TOP6BL: variants seen among roughly 807,000 people sequenced by gnomAD.
TOP6BL encodes the protein type 2 DNA topoisomerase 6 subunit B-like.
the TOP6BL span, among the ~76,000 whole-genome samples, chr11:66,828,974 TG>T: frequency 1.4e-5 from 2 of 141,550 alleles, no homozygotes; most frequent in African/African-American, 2.5e-5. Flanking sequence ...GTGTGTTTTT[TG>T]TTTTTTTTTT....
the TOP6BL span, among the ~76,000 whole-genome samples, chr11:66,816,972 G>A: frequency 2.0e-5 from 3 of 152,010 alleles, no homozygotes; most frequent in African/African-American, 7.2e-5. Context: ...TAGCTAACAC[G>A]GCGAAACCCC....
At chr11:66,801,977 C>G in the TOP6BL span, among the ~76,000 whole-genome samples, 2 of 152,110 alleles carry the variant, frequency 1.3e-5, no homozygotes, top group African/African-American at 4.8e-5. Context: ...AAGAAAAGAC[C>G]TAACATATGC....
At chr11:66,754,065 T>TCAGATTATG in the TOP6BL span, among the ~76,000 whole-genome samples, 1 of 152,220 alleles carries the variant, frequency 6.6e-6, no homozygotes, top group Admixed American at 6.5e-5. Flanking sequence ...AAAAACGTAG[T>TCAGATTATG]CAGATTATGT....
the TOP6BL span, among the ~76,000 whole-genome samples, chr11:66,786,456 TG>T: frequency 6.6e-6 from 1 of 152,246 alleles, no homozygotes; most frequent in African/African-American, 2.4e-5. Flanking sequence ...ACTTAGTTTT[TG>T]TTTCACCTTT....
chr11:66,813,049 G>T, the TOP6BL span, among the ~76,000 whole-genome samples: 1 of 152,112 alleles, frequency 6.6e-6, no homozygotes, highest in Non-Finnish European at 1.5e-5. Context: ...TAGATAATAG[G>T]TTTGGAGACA....
chr11:66,843,096 A>T, the TOP6BL span: 2 of 1,591,302 alleles, frequency 1.3e-6, no homozygotes, highest in South Asian at 1.1e-5. Flanking sequence ...CGCGCAGGGA[A>T]GGGCTCAGCA....
the TOP6BL span, among the ~76,000 whole-genome samples, chr11:66,833,454 A>C: frequency 6.6e-6 from 1 of 152,058 alleles, no homozygotes; most frequent in Admixed American, 6.6e-5. Context: ...TAGGATTTGG[A>C]CATATTTGGG....
chr11:66,821,875 C>T, the TOP6BL span: 1 of 1,273,674 alleles, frequency 7.9e-7, no homozygotes, highest in East Asian at 2.5e-5. Context: ...CCTTCCTCTC[C>T]TCTTCTGTCA....
chr11:66,804,397 A>G, the TOP6BL span, among the ~76,000 whole-genome samples: 171 of 152,340 alleles, frequency 1.1e-3, 1 homozygote, highest in African/African-American at 4.0e-3. Context: ...TGCGTTTTTC[A>G]TACAATCCAA....
chr11:66,797,528 A>G, the TOP6BL span, among the ~76,000 whole-genome samples: 2 of 151,566 alleles, frequency 1.3e-5, no homozygotes, highest in African/African-American at 4.9e-5. Context: ...TTCCTGAGAC[A>G]GGGTTTTGCT....
chr11:66,758,181 C>T, the TOP6BL span: 14 of 969,446 alleles, frequency 1.4e-5, no homozygotes, highest in South Asian at 4.8e-5. Context: ...TTTGTCCCCT[C>T]GTTGGTGCCT....
At chr11:66,820,156 A>G in the TOP6BL span, among the ~76,000 whole-genome samples, 1 of 152,234 alleles carries the variant, frequency 6.6e-6, no homozygotes, top group African/African-American at 2.4e-5. Context: ...ATACTGAAGA[A>G]AAGATTTCAT....
the TOP6BL span, among the ~76,000 whole-genome samples, chr11:66,807,842 T>C: frequency 6.6e-6 from 1 of 152,154 alleles, no homozygotes; most frequent in Non-Finnish European, 1.5e-5. Context: ...CCTCTTGCCT[T>C]GGGCAAGGGA....
At chr11:66,807,977 G>T in the TOP6BL span, among the ~76,000 whole-genome samples, 27 of 152,316 alleles carry the variant, frequency 1.8e-4, no homozygotes, top group African/African-American at 6.5e-4. Context: ...ATTGGATTAG[G>T]ATGATTTTAG....
chr11:66,809,784 A>C, the TOP6BL span, among the ~76,000 whole-genome samples: 1 of 152,158 alleles, frequency 6.6e-6, no homozygotes, highest in Non-Finnish European at 1.5e-5. Context: ...GCTCACTGCA[A>C]CCTCGAACTT....
chr11:66,822,655 T>C, the TOP6BL span: 1 of 1,549,346 alleles, frequency 6.5e-7, no homozygotes, highest in East Asian at 2.4e-5. Context: ...TTCCGAAAGA[T>C]GTGTCTCCAG....
the TOP6BL span, among the ~76,000 whole-genome samples, chr11:66,809,044 A>AAG: frequency 6.6e-6 from 1 of 152,184 alleles, no homozygotes; most frequent in Non-Finnish European, 1.5e-5. Flanking sequence ...TCCCGGGTTC[A>AAG]TGCCATTCTC....
the TOP6BL span, among the ~76,000 whole-genome samples, chr11:66,754,902 T>C: frequency 5.3e-5 from 8 of 152,306 alleles, no homozygotes; most frequent in East Asian, 9.6e-4. Flanking sequence ...GAGGAGGGAA[T>C]CTAAAGATTT....
At chr11:66,827,966 GAAAAAAAAAAAAA>G in the TOP6BL span, among the ~76,000 whole-genome samples, 9 of 30,116 alleles carry the variant, frequency 3.0e-4, no homozygotes, top group East Asian at 1.1e-3. Flanking sequence ...CTCTGTCTCA[GAAAAAAAAAAAAA>G]AAAAAAAAAA....
Sources: allele counts gnomAD v4.1 joint callset (sites outside exome capture counted in the v4.1 genomes callset), GRCh38; gene constraint gnomAD v4.1.1; transcripts MANE v1.5; gene names NCBI Gene and HGNC (gene_info 2026-07-23, HGNC 2026-07-21).